Variants in SDK1 observed in about 807,000 individuals in gnomAD.
The protein encoded by SDK1 is sidekick cell adhesion molecule 1.
SDK1 carries 157 observed loss-of-function variants against 245.5 expected under a neutral mutation model. The observed-to-expected ratio is 0.64, with a 90% confidence interval of 0.56 to 0.73. The LOEUF (loss-of-function observed/expected upper bound fraction) is 0.73. SDK1 is among the 30% of genes least tolerant of loss of function. SDK1 has a pLI of 0.00. For synonymous variants in SDK1, 1,647 were observed against 1,278.5 expected (o/e 1.29, Z -6.15); for missense variants, 3,583 against 3,002.3 (o/e 1.19, Z -4.52).
chr7:4,215,114 G>A (rs528674217), intron 38 of SDK1, among the ~76,000 whole-genome samples: 79 of 152,298 alleles, frequency 5.2e-4, no homozygotes, highest in African/African-American at 1.8e-3. Flanking sequence ...CTGGCTCGCC[G>A]AGACACTAAC....
At chr7:4,119,455 T>TA (rs1043797150) in intron 25 of SDK1, among the ~76,000 whole-genome samples, 1 of 147,384 alleles carries the variant, frequency 6.8e-6, no homozygotes, top group Admixed American at 6.7e-5. Flanking sequence ...ACCCTGTCTC[T>TA]AAAAAAAATA....
At chr7:3,824,347 T>C (rs1369029010) in intron 5 of SDK1, among the ~76,000 whole-genome samples, 2 of 152,202 alleles carry the variant, frequency 1.3e-5, no homozygotes, top group African/African-American at 4.8e-5. Context: ...TCAAAAGATA[T>C]TACAGCCAAT....
intron 4 of SDK1, among the ~76,000 whole-genome samples, chr7:3,733,213 T>C (rs1779229026): frequency 2.6e-5 from 4 of 152,200 alleles, no homozygotes; most frequent in African/African-American, 9.7e-5. Flanking sequence ...TTACCTTATG[T>C]CCTTAAATAG....
At chr7:3,449,901 T>A (rs578059564) in intron 1 of SDK1, among the ~76,000 whole-genome samples, 1 of 152,200 alleles carries the variant, frequency 6.6e-6, no homozygotes, top group Non-Finnish European at 1.5e-5. Context: ...CAGAACTGTT[T>A]ATTAACAATT....
chr7:3,947,530 TTG>T (rs745830597), intron 5 of SDK1, among the ~76,000 whole-genome samples: 59,538 of 140,200 alleles, frequency 0.42, 12,420 homozygotes, highest in East Asian at 0.55. Context: ...AAGTATTTGC[TTG>T]TGTGTGTGTG....
chr7:3,302,025 A>C, intron 1 of SDK1, 141 bp downstream of exon 1: 3 of 534,012 alleles, frequency 5.6e-6, no homozygotes, highest in Non-Finnish European at 7.4e-6. Context: ...TAGGGAGCCC[A>C]GGGGCTCCTC....
At chr7:3,853,663 G>A (rs1228671144) in intron 5 of SDK1, among the ~76,000 whole-genome samples, 1 of 152,076 alleles carries the variant, frequency 6.6e-6, no homozygotes, top group Non-Finnish European at 1.5e-5. Flanking sequence ...GCCCCAGTGA[G>A]CTTTCCTTTG....
chr7:3,732,013 A>G (rs1243099852), intron 4 of SDK1, among the ~76,000 whole-genome samples: 1 of 152,008 alleles, frequency 6.6e-6, no homozygotes, highest in Non-Finnish European at 1.5e-5. Flanking sequence ...GGTGGTCTCG[A>G]TCTCCTGACC....
chr7:3,729,524 C>T (rs1435043490), intron 4 of SDK1, among the ~76,000 whole-genome samples: 1 of 152,188 alleles, frequency 6.6e-6, no homozygotes, highest in African/African-American at 2.4e-5. Flanking sequence ...TTCACAACCT[C>T]TCACAGCAAA....
chr7:4,161,973 A>G, intron 32 of SDK1, 117 bp downstream of exon 32: 1 of 833,540 alleles, frequency 1.2e-6, no homozygotes. Flanking sequence ...GTTTGAGAGT[A>G]GAACCAAGGA....
intron 1 of SDK1, among the ~76,000 whole-genome samples, chr7:3,379,868 G>A (rs528192531): frequency 2.0e-5 from 3 of 152,194 alleles, no homozygotes; most frequent in East Asian, 3.9e-4. Context: ...TTCAGATTTC[G>A]TATTTTTCTA....
intron 7 of SDK1, among the ~76,000 whole-genome samples, chr7:3,957,023 G>C (rs1452724764): frequency 1.3e-5 from 2 of 152,214 alleles, no homozygotes; most frequent in African/African-American, 4.8e-5. Context: ...TATCATCAAA[G>C]CACAGGTCAT....
chr7:3,319,188 G>T (rs1439752994), intron 1 of SDK1, among the ~76,000 whole-genome samples: 1 of 152,200 alleles, frequency 6.6e-6, no homozygotes, highest in East Asian at 1.9e-4. Context: ...GTAGAAACTG[G>T]AAGAACTGTC....
At chr7:3,666,864 C>T (rs777428730) in intron 4 of SDK1, among the ~76,000 whole-genome samples, 1 of 152,282 alleles carries the variant, frequency 6.6e-6, no homozygotes, top group Admixed American at 6.5e-5. Context: ...AAATGCCTGA[C>T]GTTTCCCCTT....
chr7:4,221,018 C>G (rs975003717), intron 39 of SDK1, among the ~76,000 whole-genome samples: 1 of 152,074 alleles, frequency 6.6e-6, no homozygotes, highest in East Asian at 1.9e-4. Flanking sequence ...AAGCGATCCA[C>G]CTATCTCAGC....
chr7:3,823,295 T>C (rs947419527), intron 5 of SDK1, among the ~76,000 whole-genome samples: 3 of 152,200 alleles, frequency 2.0e-5, no homozygotes, highest in African/African-American at 7.2e-5. Context: ...ATTTATCTTG[T>C]TTAGCAAATA....
At chr7:3,764,845 C>T (rs796323595) in intron 4 of SDK1, among the ~76,000 whole-genome samples, 6 of 152,034 alleles carry the variant, frequency 3.9e-5, no homozygotes, top group African/African-American at 1.4e-4. Context: ...GAAAATCCAG[C>T]TGTCTTTTAT....
chr7:3,385,584 A>G (rs1396767548), intron 1 of SDK1, among the ~76,000 whole-genome samples: 5 of 152,120 alleles, frequency 3.3e-5, no homozygotes, highest in Admixed American at 3.3e-4. Context: ...AATCTTCTTT[A>G]AAACAAGGTG....
chr7:3,643,663 C>G (rs560910354), intron 4 of SDK1: 16 of 146,226 alleles, frequency 1.1e-4, no homozygotes, highest in African/African-American at 3.9e-4. Flanking sequence ...CCATCCCCAC[C>G]TGAGCATCTG....
Sources: allele counts gnomAD v4.1 joint callset (sites outside exome capture counted in the v4.1 genomes callset), GRCh38; gene constraint gnomAD v4.1.1; transcripts MANE v1.5; gene names NCBI Gene and HGNC (gene_info 2026-07-23, HGNC 2026-07-21).